KIF18B: variants seen among roughly 807,000 people sequenced by gnomAD.
KIF18B encodes the protein kinesin family member 18B.
Under a neutral mutation model 80.9 loss-of-function variants are expected in KIF18B, and 49 were observed. The ratio of observed to expected loss-of-function variants is 0.61; its 90% confidence interval spans 0.48 to 0.77. The LOEUF (loss-of-function observed/expected upper bound fraction) is 0.77. KIF18B is among the 30% of genes least tolerant of loss of function. The pLI is 0.00. For missense variants in KIF18B, 994 were observed against 1,127.7 expected (o/e 0.88, Z 1.70); for synonymous variants, 439 against 463.9 (o/e 0.95, Z 0.69).
Position 44,934,490 on chromosome 17 carries a change from C to T in KIF18B, c.687+17G>A. The T allele has an allele frequency of 6.2e-7, 1 of 1,609,258 alleles. No homozygotes were observed. Among genetic ancestry groups the T allele is most frequent in the South Asian group, 1.1e-5 (1 of 90,186 alleles). On this transcript the variant is annotated intron_variant, in intron 5 of 15. Transcript: ENST00000593135. This position sits in a 1 kb window ranked among gnomAD's most constrained non-coding sequence, Gnocchi z 5.4. Reference sequence around the variant, plus strand: ...GCATCAGGGGCACTGGTTTCAGGCTCTGACCCATGACCTCACCTGGAAGAT... The same window carrying T: ...GCATCAGGGGCACTGGTTTCAGGCTTTGACCCATGACCTCACCTGGAAGAT...
At chr17:44,931,945 C>CCA in intron 10 of KIF18B, 111 bp downstream of exon 10, 1 of 1,271,972 alleles carries the variant, frequency 7.9e-7, no homozygotes, top group Non-Finnish European at 1.1e-6. Flanking sequence ...TGCAAGACAT[C>CCA]CACATAGAGA....
At chr17:44,939,366 C>CAAAAAAAAAAAAAA (rs781348504) in intron 1 of KIF18B, among the ~76,000 whole-genome samples, 20 of 36,950 alleles carry the variant, frequency 5.4e-4, no homozygotes, top group Admixed American at 1.3e-3. Context: ...GACTCCATCT[C>CAAAAAAAAAAAAAA]AAAAAAAAAA....
In KIF18B at chr17:44,932,190, C is replaced by T; in HGVS notation, c.1255G>A (p.Glu419Lys). 6.2e-7 allele frequency: 1 copy of T among 1,608,994 alleles called. No homozygotes were observed. Among genetic ancestry groups the T allele is most frequent in the Middle Eastern group, 1.7e-4 (1 of 5,988 alleles). The change falls in exon 10 of 16, where the codon GAG becomes AAG. Residue 419 changes from glutamate (E) to lysine (K), a missense_variant. Coordinates refer to ENST00000593135, the MANE Select transcript of KIF18B (RefSeq NM_001265577.2). ...AGGGCTCTAGGCCCTGCAGGGAGCT[C>T]TGGGGTGCAGGGCTGGCTGGGAGGG... ...PPPEHQPCTP[E>K]LPAGPRALQE... is the part of the protein sequence containing the mutation.
Position 44,928,497 on chromosome 17 carries a change from C to A in KIF18B, c.1805G>T (p.Gly602Val). ...VTRTMARRLS[G>V]PLHTLGIPPG... ...CGGGATTCCCAGGGTGTGCAGGGGG[C>A]CACTCAGTCGCCTCGCCATAGTCCG... is the stretch of plus-strand genomic sequence containing the variant. Residue 602 changes from glycine (G) to valine (V), a missense_variant, in exon 13 of 16, where the codon GGC becomes GTC. Coordinates refer to ENST00000593135, the MANE Select transcript of KIF18B (RefSeq NM_001265577.2). 6.7e-7 allele frequency: 1 copy of A among 1,503,184 alleles called. No individual in the cohort carries two copies. The highest frequency in any genetic ancestry group is 2.2e-5 in the Admixed American group (1 of 45,540). The allele number at this position is 1,503,184 out of a possible 1,614,324, so 93.1% of individuals were successfully genotyped here.
In KIF18B at chr17:44,934,845, G is replaced by C. The variant is rs1382701897; in HGVS notation, c.562C>G (p.Leu188Val). The change falls in exon 4 of 16, where the codon CTT (leucine) becomes GTT (valine). Residue 188 changes from leucine (L) to valine (V), a missense_variant. Transcript: ENST00000593135. The surrounding 1 kb of genome is among the most constrained non-coding windows in gnomAD (Gnocchi z 5.4). The part of the protein sequence containing the change: ...DPDKGVVVQG[L>V]SFHQPASAEQ... ...CAATCCCACACCTGGTGGAAAGAAA[G>C]TCCTTGCACCACCACCCCCTTGTCG... 6.5e-7 allele frequency: 1 copy of C among 1,548,552 alleles called. No individual in the cohort carries two copies. The highest frequency in any genetic ancestry group is 1.4e-5 in the African/African-American group (1 of 72,988).
intron 1 of KIF18B, among the ~76,000 whole-genome samples, chr17:44,941,237 T>C (rs941524890): frequency 6.6e-6 from 1 of 152,214 alleles, no homozygotes; most frequent in African/African-American, 2.4e-5. Flanking sequence ...CACATCATTG[T>C]AATAGTCCCT....
Position 44,932,066 on chromosome 17 carries a change from G to C in KIF18B, c.1379C>G (p.Pro460Arg). ...ACCCCCAAGTCCTACCTCCTCAGCT[G>C]GGCCTTCATCCTCATCCTCTGGGGA... ...EQSPEDEDEG[P>R]AEEVPTQMPE... The change falls in exon 10 of 16, where the codon CCA (proline) becomes CGA (arginine). Residue 460 changes from proline to arginine, a missense_variant. Physicochemically the swap from Pro to Arg is moderately radical, Grantham distance 103. Coordinates refer to ENST00000593135, the MANE Select transcript of KIF18B (RefSeq NM_001265577.2). The C allele has an allele frequency of 1.9e-6, 3 of 1,611,314 alleles. No homozygotes were observed. The South Asian group carries it at 3.3e-5, about 18-fold the overall frequency.
At chr17:44,946,379 T>G (rs2052513120) in intron 1 of KIF18B, among the ~76,000 whole-genome samples, 1 of 152,192 alleles carries the variant, frequency 6.6e-6, no homozygotes, top group African/African-American at 2.4e-5. Context: ...ACTGGATACC[T>G]TTGTACTTGA....
At chr17:44,944,001 G>A (rs1471981894) in intron 1 of KIF18B, among the ~76,000 whole-genome samples, 1 of 152,220 alleles carries the variant, frequency 6.6e-6, no homozygotes, top group Admixed American at 6.5e-5. Context: ...GTAGGAGTGA[G>A]CCACCACACC....
chr17:44,931,821 T>C (rs1212774171), intron 10 of KIF18B, 92 bp from the exon 11 acceptor site: 2 of 1,507,986 alleles, frequency 1.3e-6, no homozygotes, highest in Non-Finnish European at 1.8e-6. Flanking sequence ...CCTACAAGAG[T>C]GGAAATGACA....
chr17:44,926,329 T>A, intron 15 of KIF18B, 85 bp downstream of exon 15: 1 of 1,554,780 alleles, frequency 6.4e-7, no homozygotes, highest in South Asian at 1.2e-5. Context: ...TCCTTTCTTC[T>A]GGGTCTCAGC....
rs1877615882 is a variant in KIF18B at position 44,928,469 on chromosome 17, A to G, written c.1833T>C (p.Pro611=). The G allele has an allele frequency of 3.3e-6, 5 of 1,529,194 alleles. No individual in the cohort carries two copies. The African/African-American group carries it at 6.9e-5, about 21-fold the overall frequency. The allele number at this position is 1,529,194 out of a possible 1,614,324, so 94.7% of individuals were successfully genotyped here. A position where few individuals can be genotyped will look rare whatever the true frequency, so the allele number is the denominator to read the frequency against. Reference sequence around the variant, plus strand: ...CCTGGGCTGGGGTGCAGTTGGGTCCAGGCGGGATTCCCAGGGTGTGCAGGG... The same window carrying G: ...CCTGGGCTGGGGTGCAGTTGGGTCCGGGCGGGATTCCCAGGGTGTGCAGGG... ...SGPLHTLGIP[P]GPNCTPAQGS... Residue 611 remains proline (P), a synonymous_variant, in exon 13 of 16, where the codon CCT becomes CCC. Transcript: ENST00000593135.
In KIF18B at chr17:44,934,961, C is replaced by T. The variant is rs551686084; in HGVS notation, c.472-26G>A. The T allele has an allele frequency of 5.4e-6, 8 of 1,469,684 alleles. No individual in the cohort carries two copies. In the East Asian group the frequency reaches 1.8e-4, roughly 32 times the overall value. 91.0% of individuals were successfully genotyped at this position (1,469,684 alleles called of 1,614,324 possible). ...CTGAGAAAGGAAGAAAGGAAGAGGCCTGAGGGAGAGCGGCCCATCAGGAAA... is the reference window on the plus strand; with the variant it reads ...CTGAGAAAGGAAGAAAGGAAGAGGCTTGAGGGAGAGCGGCCCATCAGGAAA... On this transcript the variant is annotated intron_variant, in intron 3 of 15. Coordinates refer to ENST00000593135, the MANE Select transcript of KIF18B (RefSeq NM_001265577.2). The surrounding 1 kb of genome is among the most constrained non-coding windows in gnomAD (Gnocchi z 5.4).
In KIF18B at chr17:44,927,937, T is replaced by A. The variant is rs552310763; in HGVS notation, c.2276+89A>T. The A allele has an allele frequency of 8.5e-7, 1 of 1,172,100 alleles. No homozygotes were observed. Among genetic ancestry groups the A allele is most frequent in the African/African-American group, 1.6e-5 (1 of 64,460 alleles). The allele number at this position is 1,172,100 out of a possible 1,614,324, so 72.6% of individuals were successfully genotyped here. A position where few individuals can be genotyped will look rare whatever the true frequency, so the allele number is the denominator to read the frequency against. On this transcript the variant is annotated intron_variant, in intron 13 of 15. Transcript: ENST00000593135. This position sits in a 1 kb window ranked among gnomAD's most constrained non-coding sequence, Gnocchi z 4.1. ...ATAGGAACCGTCCCAGCTCCAAGGC[T>A]GTCCTCCATACTTCTCAGCAGCACC...
In KIF18B at chr17:44,932,093, T is replaced by C. The variant is rs1479489696; in HGVS notation, c.1352A>G (p.Gln451Arg). 1.2e-6 allele frequency: 2 copies of C among 1,613,720 alleles called. No homozygotes were observed. The highest frequency in any genetic ancestry group is 1.7e-6 in the Non-Finnish European group (2 of 1,179,828). Residue 451 changes from glutamine (Q) to arginine (R), a missense_variant, in exon 10 of 16, where the codon CAG becomes CGG. By Grantham distance (43) the Gln-to-Arg change is conservative. Transcript: ENST00000593135. ...GCCTTCATCCTCATCCTCTGGGGAC[T>C]GCTCCTGGTCTGAAGAGTTCCCTTC... ...AMEGNSSDQE[Q>R]SPEDEDEGPA...
chr17:44,946,104 G>A (rs1017151868), intron 1 of KIF18B, among the ~76,000 whole-genome samples: 1 of 151,426 alleles, frequency 6.6e-6, no homozygotes, highest in Non-Finnish European at 1.5e-5. Flanking sequence ...TAACGTAATT[G>A]CTTATGTAAA....
chr17:44,941,080 A>G (rs2052405852), intron 1 of KIF18B, among the ~76,000 whole-genome samples: 1 of 152,168 alleles, frequency 6.6e-6, no homozygotes, highest in Admixed American at 6.5e-5. Context: ...TCATTTTTCA[A>G]TGAAGAAATT....
chr17:44,936,292 G>A lies in KIF18B; in HGVS notation c.53C>T (p.Thr18Ile), dbSNP rs545043141. ...CCGCTGACTGTCCAGCTCCCGAGGGGTGGGGGGCCGCACCCGTACCACTAC... is the reference window on the plus strand; with the variant it reads ...CCGCTGACTGTCCAGCTCCCGAGGGATGGGGGGCCGCACCCGTACCACTAC... ...LQVVVRVRPP[T>I]PRELDSQRRP... The change falls in exon 2 of 16, where the codon ACC becomes ATC. Residue 18 changes from threonine (T) to isoleucine (I), a missense_variant. Thr to Ile is a moderately conservative substitution (Grantham distance 89). Transcript: ENST00000593135. The A allele has an allele frequency of 3.1e-6, 5 of 1,610,544 alleles. No individual in the cohort carries two copies. The African/African-American group carries it at 5.3e-5, about 17-fold the overall frequency.
rs369709926 is a variant in KIF18B at position 44,928,186 on chromosome 17, T to C, written c.2116A>G (p.Met706Val). ...KSRVPLGPSA[M>V]QNCSTPLALP... Reference sequence around the variant, plus strand: ...GCCAGCGGGGTGGAGCAGTTCTGCATGGCGGAAGGGCCCAGGGGCACCCGG... The same window carrying C: ...GCCAGCGGGGTGGAGCAGTTCTGCACGGCGGAAGGGCCCAGGGGCACCCGG... Residue 706 changes from methionine to valine, a missense_variant, in exon 13 of 16, where the codon ATG (methionine) becomes GTG (valine). Met to Val is a conservative substitution (Grantham distance 21). Coordinates refer to ENST00000593135, the MANE Select transcript of KIF18B (RefSeq NM_001265577.2). 2.8e-5 allele frequency: 45 copies of C among 1,612,128 alleles called. No individual in the cohort carries two copies. The African/African-American group carries it at 4.7e-4, about 17-fold the overall frequency.
Sources: gnomAD v4.1 joint callset for allele counts (sites outside exome capture counted in the v4.1 genomes callset) on GRCh38, gnomAD v4.1.1 for gene constraint, Gnocchi (gnomAD v3.1) non-coding constraint, MANE v1.5 for transcripts, NCBI Gene and HGNC (gene_info 2026-07-23, HGNC 2026-07-21) for gene names.